Variants in PTBP1 observed in about 807,000 individuals in gnomAD.
PTBP1 encodes the protein polypyrimidine tract-binding protein 1.
PTBP1 carries 8 observed loss-of-function variants against 59.8 expected under a neutral mutation model. That is an observed-to-expected ratio of 0.13 (90% confidence interval 0.08 to 0.24). PTBP1 has a LOEUF of 0.24. PTBP1 is among the 10% of genes least tolerant of loss of function. The pLI, the probability that PTBP1 is intolerant of heterozygous loss-of-function variation, is 1.00. For synonymous variants in PTBP1, 490 were observed against 320.7 expected, an observed-to-expected ratio of 1.53 and a Z score of -5.64; for missense variants, 686 against 767.0, an observed-to-expected ratio of 0.89 and a Z score of 1.25.
rs1599235571 is a variant in PTBP1 at position 806,478 on chromosome 19, G to A, written c.1041G>A (p.Ala347=). ...TCCCCTCGGCGGCGGCGGCAGCTGC[G>A]GCGGCAGGTCGGATCGCCATCCCGG... ...LAIPSAAAAA[A]AAGRIAIPGL... The change falls in exon 10 of 15, where the codon GCG becomes GCA. Residue 347 remains alanine (A), a synonymous_variant. Transcript: ENST00000356948. 6.3e-7 allele frequency: 1 copy of A among 1,591,340 alleles called. No homozygotes were observed.
rs762757525 is a variant in PTBP1 at position 797,469 on chromosome 19, C to G, written c.-29C>G. 2.5e-6 allele frequency: 4 copies of G among 1,597,346 alleles called. No individual in the cohort carries two copies. The South Asian group carries it at 3.3e-5, about 13-fold the overall frequency. On this transcript the variant is annotated 5_prime_UTR_variant, in exon 1 of 15. Transcript: ENST00000356948. ...TTCCTGCTATTCCGGCGCCTCCACTCCGTCCCCCGCGGGTCTGCTCTGTGT... is the reference window on the plus strand; with the variant it reads ...TTCCTGCTATTCCGGCGCCTCCACTGCGTCCCCCGCGGGTCTGCTCTGTGT...
Position 805,003 on chromosome 19 carries a change from C to G in PTBP1, c.718-10C>G. The G allele has an allele frequency of 1.2e-6, 2 of 1,613,300 alleles. No individual in the cohort carries two copies. The highest frequency in any genetic ancestry group is 1.7e-6 in the Non-Finnish European group (2 of 1,179,494). ...GGCCCGGCGACGTCTCACGGTCCCT[C>G]TCCCCTCAGTCGCTGGACGGGCAGA... On this transcript the variant is annotated splice_polypyrimidine_tract_variant and intron_variant, in intron 7 of 14. Transcript: ENST00000356948.
In PTBP1 at chr19:808,912, G is replaced by C. The variant is rs2034713466; in HGVS notation, c.1463+150G>C. ...AACCTGAAGTACTGCAAGGCCTGGA[G>C]CTTGAGCCGAGGGCTGCTCAAGGGA... On this transcript the variant is annotated intron_variant, in intron 13 of 14. Coordinates refer to ENST00000356948, the MANE Select transcript of PTBP1 (RefSeq NM_002819.5). The surrounding 1 kb of genome is among the most constrained non-coding windows in gnomAD (Gnocchi z 4.7). 1.3e-6 allele frequency: 1 copy of C among 754,344 alleles called. No individual in the cohort carries two copies. The allele number at this position is 754,344 out of a possible 1,614,324, so 46.7% of individuals were successfully genotyped here.
chr19:802,616 G>C (rs1443682086), intron 2 of PTBP1, among the ~76,000 whole-genome samples: 5 of 152,230 alleles, frequency 3.3e-5, no homozygotes, highest in Non-Finnish European at 7.3e-5. Context: ...GGGCGTTGCT[G>C]CCCTCAGCGC....
intron 13 of PTBP1, 26 bp from the exon 14 acceptor site, chr19:810,517 A>T (rs1016907895): frequency 1.9e-6 from 3 of 1,607,028 alleles, no homozygotes; most frequent in Admixed American, 1.7e-5. Flanking sequence ...ACGCGGCCCC[A>T]GGCTCACGCC....
At chr19:797,568 C>G in intron 1 of PTBP1, 63 bp downstream of exon 1, 1 of 1,238,016 alleles carries the variant, frequency 8.1e-7, no homozygotes, top group Non-Finnish European at 1.0e-6. Context: ...CCCCCGCCGC[C>G]GCGCCGGCCT....
At chr19:806,310 C>T (rs1159801048) in intron 9 of PTBP1, 98 bp from the exon 10 acceptor site, 2 of 1,354,244 alleles carry the variant, frequency 1.5e-6, no homozygotes, top group African/African-American at 1.6e-5. Context: ...TCCCGCGCGG[C>T]TCGGCTCCTC....
At chr19:797,803 T>G (rs1473176583) in intron 1 of PTBP1, among the ~76,000 whole-genome samples, 1 of 148,078 alleles carries the variant, frequency 6.8e-6, no homozygotes, top group Non-Finnish European at 1.5e-5. Flanking sequence ...ACTTCGCCTT[T>G]GCCCCGCCTC....
intron 9 of PTBP1, 63 bp from the exon 10 acceptor site, chr19:806,345 G>C: frequency 6.6e-7 from 1 of 1,512,850 alleles, no homozygotes; most frequent in East Asian, 2.6e-5. Context: ...GGGAGCGTCG[G>C]CCTCTCCCAC....
In PTBP1 at chr19:805,547, C is replaced by G; in HGVS notation, c.948C>G (p.Thr316=). 1.2e-6 allele frequency: 2 copies of G among 1,613,836 alleles called. No individual in the cohort carries two copies. The highest frequency in any genetic ancestry group is 1.3e-5 in the African/African-American group (1 of 75,058). Residue 316 remains threonine, a synonymous_variant, in exon 9 of 15, where the codon ACC becomes ACG. Transcript: ENST00000356948. The part of the protein sequence containing the change: ...SPYAGAGFPP[T]FAIPQAAGLS... ...ATGCAGGAGCTGGTTTCCCTCCCAC[C>G]TTTGCCATTCCTCAAGCTGCAGGTA...
At chr19:800,598 T>A (rs987676885) in intron 2 of PTBP1, among the ~76,000 whole-genome samples, 12 of 152,200 alleles carry the variant, frequency 7.9e-5, no homozygotes, top group Admixed American at 5.9e-4. Context: ...TGGTTTCTGG[T>A]CAGTCAGCAG....
At chr19:807,773 G>A in intron 10 of PTBP1, 96 bp from the exon 11 acceptor site, 1 of 923,950 alleles carries the variant, frequency 1.1e-6, no homozygotes, top group Non-Finnish European at 1.8e-6. Flanking sequence ...CACGCCTGCG[G>A]GGACTGTCTT....
In PTBP1 at chr19:808,518, C is replaced by G; in HGVS notation, c.1247-28C>G. 6.4e-7 allele frequency: 1 copy of G among 1,563,338 alleles called. No homozygotes were observed. On this transcript the variant is annotated intron_variant, in intron 12 of 14. Transcript: ENST00000356948. This position sits in a 1 kb window ranked among gnomAD's most constrained non-coding sequence, Gnocchi z 4.7. Reference sequence around the variant, plus strand: ...CGGGGGCTGCGTTCCCTCTCGGGCGCCTGGTCACGCGGGTGCTGCTCCCCC... The same window carrying G: ...CGGGGGCTGCGTTCCCTCTCGGGCGGCTGGTCACGCGGGTGCTGCTCCCCC...
intron 7 of PTBP1, 34 bp from the exon 8 acceptor site, chr19:804,979 G>T: frequency 6.2e-7 from 1 of 1,612,342 alleles, no homozygotes; most frequent in Non-Finnish European, 8.5e-7. Context: ...CCTGGCCCTG[G>T]CCCGGCGACG....
chr19:806,269 C>T (rs970123864), intron 9 of PTBP1, 139 bp from the exon 10 acceptor site: 2 of 988,240 alleles, frequency 2.0e-6, no homozygotes, highest in Non-Finnish European at 2.8e-6. Context: ...ACCCCACAGG[C>T]ACCCAGGGTA....
rs572878890 is a variant in PTBP1 at position 811,971 on chromosome 19, G to C, written c.*1145G>C. 1 of 152,264 alleles carries C rather than the reference G, an allele frequency of 6.6e-6. No individual in the cohort carries two copies. The highest frequency in any genetic ancestry group is 6.5e-5 in the Admixed American group (1 of 15,272). 9.4% of individuals were successfully genotyped at this position (152,264 alleles called of 1,614,324 possible). ...ACCGCCCCCGCGTCCTGTCCCGGGG[G>C]CTCTCCTAGGATCCCCTTTCCGTAA... On this transcript the variant is annotated 3_prime_UTR_variant, in exon 15 of 15. Transcript: ENST00000356948.
At chr19:807,990 G>C (rs2034657211) in intron 11 of PTBP1, 88 bp downstream of exon 11, 1 of 1,256,680 alleles carries the variant, frequency 8.0e-7, no homozygotes, top group Middle Eastern at 1.9e-4. Context: ...TTTGCGGTTT[G>C]GCACTCTGAT....
intron 2 of PTBP1, among the ~76,000 whole-genome samples, chr19:802,181 C>T (rs932396723): frequency 1.3e-5 from 2 of 152,212 alleles, no homozygotes; most frequent in Non-Finnish European, 2.9e-5. Flanking sequence ...TGTTCCCCAT[C>T]CTCCTTGAGC....
Position 797,471 on chromosome 19 carries a change from G to T in PTBP1, c.-27G>T. 10 of 1,595,714 alleles carry T rather than the reference G, an allele frequency of 6.3e-6. No individual in the cohort carries two copies. The highest frequency in any genetic ancestry group is 1.1e-5 in the South Asian group (1 of 89,832). Reference sequence around the variant, plus strand: ...CCTGCTATTCCGGCGCCTCCACTCCGTCCCCCGCGGGTCTGCTCTGTGTGC... The same window carrying T: ...CCTGCTATTCCGGCGCCTCCACTCCTTCCCCCGCGGGTCTGCTCTGTGTGC... On this transcript the variant is annotated 5_prime_UTR_variant, in exon 1 of 15. Coordinates refer to ENST00000356948, the MANE Select transcript of PTBP1 (RefSeq NM_002819.5).
Sources: gnomAD v4.1 joint callset for allele counts (sites outside exome capture counted in the v4.1 genomes callset) on GRCh38, gnomAD v4.1.1 for gene constraint, Gnocchi (gnomAD v3.1) non-coding constraint, MANE v1.5 for transcripts, NCBI Gene and HGNC (gene_info 2026-07-23, HGNC 2026-07-21) for gene names.